The following EDA variants were observed in gnomAD, a reference collection of about 807,000 sequenced individuals.
The protein encoded by EDA is ectodysplasin A.
A neutral mutation model predicts 23.6 loss-of-function variants in EDA; 2 were observed. That is an observed-to-expected ratio of 0.08 (90% CI 0.03 to 0.27). The LOEUF is 0.27. Ranked by LOEUF, EDA falls within the 10% of genes least tolerant of loss-of-function variation. The pLI is 1.00. For synonymous variants in EDA, 131 were observed against 132.0 expected (o/e 0.99, Z 0.05); for missense variants, 229 against 324.2 (o/e 0.71, Z 2.26).
At chrX:69,678,261 C>A (rs1203721590) in intron 1 of EDA, among the ~76,000 whole-genome samples, 1 of 109,420 alleles carries the variant, frequency 9.1e-6, no homozygotes, top group Non-Finnish European at 1.9e-5. Context: ...AGTGTGATGC[C>A]TCCAGCTTTG....
intron 1 of EDA, among the ~76,000 whole-genome samples, chrX:69,864,059 C>T (rs2017445227): frequency 9.0e-6 from 1 of 111,283 alleles, no homozygotes; most frequent in African/African-American, 3.3e-5. Context: ...ATTGCTCTCT[C>T]TCTCTCTCAG....
intron 1 of EDA, among the ~76,000 whole-genome samples, chrX:69,713,611 A>G (rs2012185255): frequency 8.9e-6 from 1 of 112,106 alleles, no homozygotes; most frequent in Non-Finnish European, 1.9e-5. Context: ...AAATGGAATC[A>G]TATGGTATGT....
chrX:69,886,955 A>G (rs1194588282), intron 1 of EDA, among the ~76,000 whole-genome samples: 2 of 112,332 alleles, frequency 1.8e-5, no homozygotes, highest in Admixed American at 1.9e-4. Context: ...CAAATAAGGA[A>G]GAATCAAGCA....
intron 1 of EDA, among the ~76,000 whole-genome samples, chrX:69,895,317 C>A (rs1348966646): frequency 3.7e-5 from 4 of 108,566 alleles, no homozygotes. Context: ...AGTTTAGTTT[C>A]CAGCGGTGAG....
chrX:69,758,166 C>CT (rs761724331), intron 1 of EDA, among the ~76,000 whole-genome samples: 8 of 112,394 alleles, frequency 7.1e-5, no homozygotes, highest in Non-Finnish European at 1.3e-4. Flanking sequence ...TTTAAGACTA[C>CT]TTTCAAACAT....
At chrX:69,856,707 G>A (rs966431594) in intron 1 of EDA, among the ~76,000 whole-genome samples, 1 of 70,630 alleles carries the variant, frequency 1.4e-5, no homozygotes, top group South Asian at 6.4e-4. Context: ...TTTTTGATGC[G>A]ATTATTTTTT....
intron 1 of EDA, among the ~76,000 whole-genome samples, chrX:69,888,447 A>T (rs911204978): frequency 9.1e-6 from 1 of 109,452 alleles, no homozygotes; most frequent in African/African-American, 3.3e-5. Context: ...CTTACCTATC[A>T]ATAATTACCT....
At chrX:70,024,144 T>G (rs1051698672) in intron 3 of EDA, among the ~76,000 whole-genome samples, 1 of 112,954 alleles carries the variant, frequency 8.9e-6, no homozygotes, top group Admixed American at 9.3e-5. Context: ...CTAATGATTG[T>G]TCATTAAAAT....
At chrX:69,662,273 A>G (rs1486916108) in intron 1 of EDA, among the ~76,000 whole-genome samples, 2 of 111,884 alleles carry the variant, frequency 1.8e-5, no homozygotes, top group African/African-American at 6.5e-5. Flanking sequence ...TGTAGCTCCC[A>G]TAATTCCCAC....
rs760851086 is a variant in EDA at position 69,758,559 on chromosome X, C to T, written c.396+141855C>T. On this transcript the variant is annotated intron_variant, in intron 1 of 7. Coordinates refer to ENST00000374552, the MANE Select transcript of EDA (RefSeq NM_001399.5). The stretch of plus-strand genomic sequence containing the variant: ...TAAAGAAACAAGTTTGAAGGCCAGG[C>T]GTGGTGGCTCACGCCTGTAATCCCA... 9.2e-4 allele frequency among the ~76,000 whole-genome samples: 103 copies of T among 112,534 alleles called. 1 individual carries two copies. Among genetic ancestry groups the T allele is most frequent in the Middle Eastern group, 4.7e-3 (1 of 214 alleles).
intron 1 of EDA, among the ~76,000 whole-genome samples, chrX:69,787,680 T>TC (rs1451001714): frequency 2.7e-5 from 3 of 111,850 alleles, no homozygotes; most frequent in Non-Finnish European, 5.6e-5. Context: ...CTGATGGGCT[T>TC]CCCTTTGAGG....
At chrX:69,645,638 A>G (rs1163664471) in intron 1 of EDA, among the ~76,000 whole-genome samples, 5 of 61,843 alleles carry the variant, frequency 8.1e-5, no homozygotes, top group South Asian at 8.3e-4. Context: ...ATATATATGT[A>G]TAAAATACTT....
At chrX:69,689,312 T>TC (rs1286407112) in intron 1 of EDA, among the ~76,000 whole-genome samples, 4 of 107,825 alleles carry the variant, frequency 3.7e-5, no homozygotes, top group Non-Finnish European at 5.8e-5. Context: ...TTTTTTTTTT[T>TC]TGAGACGGAG....
intron 1 of EDA, among the ~76,000 whole-genome samples, chrX:69,651,500 G>A (rs530751833): frequency 1.9e-4 from 20 of 108,055 alleles, no homozygotes; most frequent in African/African-American, 6.4e-4. Flanking sequence ...GGGGAAATTT[G>A]GGGGGGTCAG....
At chrX:69,839,488 A>G (rs560487921) in intron 1 of EDA, among the ~76,000 whole-genome samples, 1 of 112,378 alleles carries the variant, frequency 8.9e-6, no homozygotes, top group Admixed American at 9.4e-5. Flanking sequence ...TACTCAGTCT[A>G]AAAGTATTGT....
intron 1 of EDA, among the ~76,000 whole-genome samples, chrX:69,912,799 C>T (rs770307340): frequency 1.3e-3 from 130 of 96,315 alleles, no homozygotes; most frequent in African/African-American, 5.0e-3. Flanking sequence ...GACAGGGTCT[C>T]ACTCTGTTGC....
intron 1 of EDA, among the ~76,000 whole-genome samples, chrX:69,849,405 A>C (rs1602479650): frequency 8.9e-6 from 1 of 112,153 alleles, no homozygotes; most frequent in East Asian, 2.8e-4. Flanking sequence ...TGACTAGCCA[A>C]GCACGCTTGT....
At chrX:69,857,511 T>C (rs1387827286) in intron 1 of EDA, among the ~76,000 whole-genome samples, 1 of 110,216 alleles carries the variant, frequency 9.1e-6, no homozygotes, top group Non-Finnish European at 1.9e-5. Flanking sequence ...ATTGGATGTG[T>C]TTCCATTTTG....
chrX:69,866,624 A>G (rs2017489381), intron 1 of EDA, among the ~76,000 whole-genome samples: 1 of 111,492 alleles, frequency 9.0e-6, no homozygotes, highest in Non-Finnish European at 1.9e-5. Context: ...TGGGAGAAAT[A>G]GTACCATATA....
Sources: allele counts gnomAD v4.1 joint callset (sites outside exome capture counted in the v4.1 genomes callset), GRCh38; gene constraint gnomAD v4.1.1; transcripts MANE v1.5; gene names NCBI Gene and HGNC (gene_info 2026-07-23, HGNC 2026-07-21).